Variants in CHL1 observed in about 807,000 individuals in gnomAD.
CHL1 encodes the protein cell adhesion molecule L1 like.
Under a neutral mutation model 141.9 loss-of-function variants are expected in CHL1, and 96 were observed. The observed-to-expected ratio is 0.68, with a 90% CI of 0.57 to 0.80. The LOEUF (loss-of-function observed/expected upper bound fraction) is 0.80, where lower values mean the gene tolerates loss of function less well. Among genes scored for constraint, CHL1 ranks in the 30% least tolerant of loss-of-function variants. CHL1 has a pLI of 0.00. For synonymous variants in CHL1, 613 were observed against 502.2 expected, an observed-to-expected ratio of 1.22 and a Z score of -2.95; for missense variants, 1,820 against 1,457.2, an observed-to-expected ratio of 1.25 and a Z score of -4.05.
rs1708905597 is a variant in CHL1, at chr3:399,057, G to T, written c.3294G>T (p.Trp1098Cys). 4 of 1,612,432 alleles carry T rather than the reference G, an allele frequency of 2.5e-6. No homozygotes were observed. The highest frequency in any genetic ancestry group is 3.4e-6 in the Non-Finnish European group (4 of 1,178,456). The change falls in exon 26 of 28, where the codon TGG (tryptophan) becomes TGT (cysteine). Residue 1098 changes from tryptophan (W) to cysteine (C), a missense_variant. Physicochemically the swap from Trp to Cys is radical, Grantham distance 215. Coordinates refer to ENST00000256509, the MANE Select transcript of CHL1 (RefSeq NM_006614.4). ...GLYDDISTQG[W>C]FIGLMCAIAL... ...ATGATGACATCTCCACTCAAGGCTG[G>T]TTTATTGGACTGATGTGTGCGATTG...
chr3:199,793 G>T (rs1698751252), intron 1 of CHL1, among the ~76,000 whole-genome samples: 1 of 152,044 alleles, frequency 6.6e-6, no homozygotes, highest in South Asian at 2.1e-4. Flanking sequence ...GAGGTTATTT[G>T]CCCCAAAATT....
chr3:201,572 G>T (rs1414331953), intron 1 of CHL1, among the ~76,000 whole-genome samples: 1 of 152,102 alleles, frequency 6.6e-6, no homozygotes, highest in Non-Finnish European at 1.5e-5. Context: ...CACAACTAGA[G>T]TTTGAGGTGA....
rs1054192099 is a variant in CHL1 at position 242,514 on chromosome 3, T to G, written c.-174-2099T>G. On this transcript the variant is annotated intron_variant, in intron 1 of 27. Transcript: ENST00000256509. ...GGGAGGCTGAGGCAGGAGAATGGCT[T>G]GAACCAGGGAGGCAGAGCTTGCAGT... Among the ~76,000 whole-genome samples, 171 of 152,016 alleles carry G rather than the reference T, an allele frequency of 1.1e-3. 1 individual carries two copies. The highest frequency in any genetic ancestry group is 1.6e-3 in the African/African-American group (67 of 41,454).
At chr3:306,771 G>A (rs974864956) in intron 2 of CHL1, among the ~76,000 whole-genome samples, 3 of 152,236 alleles carry the variant, frequency 2.0e-5, no homozygotes, top group African/African-American at 7.2e-5. Flanking sequence ...CCCAAACCAT[G>A]AACTATTTAT....
intron 5 of CHL1, among the ~76,000 whole-genome samples, chr3:337,837 G>C (rs1702030501): frequency 6.6e-6 from 1 of 152,156 alleles, no homozygotes; most frequent in Admixed American, 6.5e-5. Context: ...AAACATATGT[G>C]TGCATGTGTC....
At chr3:329,132 A>G (rs974076825) in intron 5 of CHL1, among the ~76,000 whole-genome samples, 2 of 152,126 alleles carry the variant, frequency 1.3e-5, no homozygotes, top group African/African-American at 4.8e-5. Context: ...GATATCCATG[A>G]CCACCTTTTA....
chr3:321,007 C>A (rs1700520045), intron 3 of CHL1, among the ~76,000 whole-genome samples: 1 of 152,022 alleles, frequency 6.6e-6, no homozygotes, highest in Non-Finnish European at 1.5e-5. Context: ...AAATTTAATA[C>A]ATCTTAGAAA....
chr3:230,050 G>T (rs1178526929), intron 1 of CHL1, among the ~76,000 whole-genome samples: 1 of 152,178 alleles, frequency 6.6e-6, no homozygotes, highest in Non-Finnish European at 1.5e-5. Flanking sequence ...TCTGTACAAA[G>T]TGGGTACTTA....
At chr3:402,049 T>C (rs1444822219) in intron 27 of CHL1, among the ~76,000 whole-genome samples, 24 of 152,352 alleles carry the variant, frequency 1.6e-4, no homozygotes, top group African/African-American at 3.4e-4. Context: ...CGCATATCTG[T>C]ATACCTACAG....
intron 1 of CHL1, among the ~76,000 whole-genome samples, chr3:215,275 C>T (rs547452984): frequency 2.0e-5 from 3 of 152,064 alleles, no homozygotes; most frequent in Non-Finnish European, 4.4e-5. Context: ...ATGGATGAAT[C>T]TAGAGGACAA....
chr3:293,521 A>T (rs1697898627), intron 2 of CHL1, among the ~76,000 whole-genome samples: 2 of 152,100 alleles, frequency 1.3e-5, no homozygotes, highest in Non-Finnish European at 2.9e-5. Context: ...TTTTAAAAAA[A>T]CCCTAATTGA....
chr3:383,463 G>GA (rs1029971873), intron 18 of CHL1, among the ~76,000 whole-genome samples: 8 of 151,894 alleles, frequency 5.3e-5, no homozygotes, highest in Non-Finnish European at 7.4e-5. Context: ...AATTCTAATA[G>GA]AAAAAATAGA....
intron 2 of CHL1, among the ~76,000 whole-genome samples, chr3:249,629 C>T (rs1693495698): frequency 6.6e-6 from 1 of 152,108 alleles, no homozygotes; most frequent in South Asian, 2.1e-4. Flanking sequence ...AGTTGCTTCC[C>T]TTTATTTGTA....
chr3:206,216 C>A (rs1699426178), intron 1 of CHL1, among the ~76,000 whole-genome samples: 1 of 152,172 alleles, frequency 6.6e-6, no homozygotes, highest in South Asian at 2.1e-4. Flanking sequence ...GCCTGTAATC[C>A]CAGCACTTTG....
At chr3:331,174 G>T (rs1258034140) in intron 5 of CHL1, among the ~76,000 whole-genome samples, 1 of 151,526 alleles carries the variant, frequency 6.6e-6, no homozygotes, top group South Asian at 2.1e-4. Flanking sequence ...TACAGAGAAA[G>T]ATTTCTTTTC....
chr3:314,327 G>GTATATATATATATATA (rs1410311860), intron 2 of CHL1, among the ~76,000 whole-genome samples: 1 of 57,028 alleles, frequency 1.8e-5, no homozygotes, highest in African/African-American at 5.2e-5. Context: ...CTCTCTCTAT[G>GTATATATATATATATA]TGTATATATA....
chr3:398,466 T>A, intron 25 of CHL1, 81 bp downstream of exon 25: 1 of 785,310 alleles, frequency 1.3e-6, no homozygotes, highest in Non-Finnish European at 2.0e-6. Context: ...TGTCCTATAT[T>A]AAACATAAAA....
At chr3:346,564 G>A (rs1702786018) in intron 9 of CHL1, among the ~76,000 whole-genome samples, 1 of 152,158 alleles carries the variant, frequency 6.6e-6, no homozygotes, top group Non-Finnish European at 1.5e-5. Flanking sequence ...ATGCTCTCAT[G>A]TGCTTTTTAG....
chr3:289,216 T>A (rs1697441546), intron 2 of CHL1, among the ~76,000 whole-genome samples: 1 of 152,214 alleles, frequency 6.6e-6, no homozygotes. Context: ...ATTTTGGGGA[T>A]TAAAAATGCA....
Sources: allele counts gnomAD v4.1 joint callset (sites outside exome capture counted in the v4.1 genomes callset), GRCh38; gene constraint gnomAD v4.1.1; transcripts MANE v1.5; gene names NCBI Gene and HGNC (gene_info 2026-07-23, HGNC 2026-07-21).